The following PCDH9 variants were observed in gnomAD, a reference collection of about 807,000 sequenced individuals.
PCDH9 encodes protocadherin-9.
In PCDH9, 24 loss-of-function variants were observed where a neutral mutation model predicts 70.6. That is an observed-to-expected ratio of 0.34 (90% CI 0.25 to 0.48). The LOEUF is 0.48. Ranked by LOEUF, PCDH9 falls within the 20% of genes least tolerant of loss-of-function variation. The pLI is 0.99. For synonymous variants in PCDH9, 562 were observed against 558.5 expected (o/e 1.01, Z -0.09); for missense variants, 1,281 against 1,503.6 (o/e 0.85, Z 2.45).
chr13:66,551,968 G>T (rs1371674752), intron 4 of PCDH9, among the ~76,000 whole-genome samples: 5 of 152,026 alleles, frequency 3.3e-5, no homozygotes, highest in African/African-American at 1.2e-4. Flanking sequence ...AATATTAAAA[G>T]CAAAATGAAC....
chr13:67,150,554 C>G (rs1318543865), intron 2 of PCDH9, among the ~76,000 whole-genome samples: 1 of 152,130 alleles, frequency 6.6e-6, no homozygotes, highest in Admixed American at 6.6e-5. Context: ...AGGGTGTTCC[C>G]TCATTCAATC....
At position 67,171,967 on chromosome 13, in the gene PCDH9, A is replaced by G. The variant is rs142673995; in HGVS notation, c.3036+53438T>C. Among the ~76,000 whole-genome samples, 751 of 152,328 alleles carry G rather than the reference A, an allele frequency of 4.9e-3. 5 individuals carry two copies. The highest frequency in any genetic ancestry group is 7.7e-3 in the Non-Finnish European group (521 of 68,024). The stretch of plus-strand genomic sequence containing the variant: ...TCAAAGATGTGAAAGTATTCAAAAC[A>G]CTAAGAGAGCACAATATAATAGAGC... On this transcript the variant is annotated intron_variant, in intron 2 of 4. Transcript: ENST00000377865.
intron 3 of PCDH9, among the ~76,000 whole-genome samples, chr13:66,647,672 G>A (rs1481336934): frequency 1.3e-5 from 2 of 152,118 alleles, no homozygotes; most frequent in African/African-American, 2.4e-5. Context: ...GAGAAGGTGG[G>A]AGAGAAGAGT....
chr13:66,672,892 T>C (rs1040718435), intron 3 of PCDH9, among the ~76,000 whole-genome samples: 2 of 152,208 alleles, frequency 1.3e-5, no homozygotes, highest in African/African-American at 4.8e-5. Context: ...ATTCCCATTG[T>C]ATCTAGGAAG....
chr13:66,502,452 A>T (rs997477257), intron 4 of PCDH9, among the ~76,000 whole-genome samples: 3 of 152,142 alleles, frequency 2.0e-5, no homozygotes, highest in African/African-American at 7.2e-5. Context: ...ATTTTATTAG[A>T]TTTAAAGAAA....
At chr13:66,636,142 A>G (rs1463142378) in intron 3 of PCDH9, among the ~76,000 whole-genome samples, 1 of 152,106 alleles carries the variant, frequency 6.6e-6, no homozygotes, top group Non-Finnish European at 1.5e-5. Flanking sequence ...TTAAAGTAGT[A>G]TTGTTTGGTC....
At chr13:66,991,299 T>C (rs1033084347) in intron 2 of PCDH9, among the ~76,000 whole-genome samples, 2 of 152,022 alleles carry the variant, frequency 1.3e-5, no homozygotes, top group East Asian at 1.9e-4. Context: ...TTTTTTTCCA[T>C]TGCAGTGGAC....
chr13:66,676,399 CTTATT>C (rs66562252), intron 3 of PCDH9, among the ~76,000 whole-genome samples: 34,478 of 151,838 alleles, frequency 0.23, 4,218 homozygotes, highest in Middle Eastern at 0.36. Context: ...TTATACATTA[CTTATT>C]TTAAGTCAGT....
intron 3 of PCDH9, among the ~76,000 whole-genome samples, chr13:66,865,174 A>T (rs1040509369): frequency 6.6e-6 from 1 of 152,230 alleles, no homozygotes; most frequent in Non-Finnish European, 1.5e-5. Flanking sequence ...CAAAAATTTT[A>T]AAATGAATTT....
chr13:66,671,964 G>A (rs1009365694), intron 3 of PCDH9, among the ~76,000 whole-genome samples: 5 of 152,116 alleles, frequency 3.3e-5, no homozygotes, highest in Non-Finnish European at 5.9e-5. Flanking sequence ...CCAAAACAAT[G>A]GGAAAAATAT....
chr13:66,999,780 G>C (rs919742815), intron 2 of PCDH9, among the ~76,000 whole-genome samples: 1 of 152,094 alleles, frequency 6.6e-6, no homozygotes, highest in African/African-American at 2.4e-5. Flanking sequence ...AAACCACAAT[G>C]AGATACCATC....
At chr13:66,969,937 A>G (rs1372456981) in intron 2 of PCDH9, among the ~76,000 whole-genome samples, 1 of 152,078 alleles carries the variant, frequency 6.6e-6, no homozygotes, top group East Asian at 1.9e-4. Flanking sequence ...TCATATTAAT[A>G]ACAACTATAT....
chr13:67,162,259 A>C (rs1259750654), intron 2 of PCDH9, among the ~76,000 whole-genome samples: 11 of 152,212 alleles, frequency 7.2e-5, no homozygotes, highest in African/African-American at 2.4e-4. Context: ...ATATGTCAAT[A>C]TCCTTCTTGA....
chr13:66,561,095 CG>C (rs1379997717), intron 4 of PCDH9, among the ~76,000 whole-genome samples: 1 of 152,202 alleles, frequency 6.6e-6, no homozygotes, highest in African/African-American at 2.4e-5. Context: ...CCGGGCTGCG[CG>C]TGGTGCTTGT....
intron 3 of PCDH9, among the ~76,000 whole-genome samples, chr13:66,786,377 T>C (rs1162477460): frequency 6.6e-6 from 1 of 152,182 alleles, no homozygotes; most frequent in Admixed American, 6.5e-5. Context: ...AGGAGAAGGC[T>C]TATGCTGTAT....
At chr13:67,170,607 T>C (rs551647517) in intron 2 of PCDH9, among the ~76,000 whole-genome samples, 1 of 152,266 alleles carries the variant, frequency 6.6e-6, no homozygotes, top group South Asian at 2.1e-4. Context: ...GAATTGCATA[T>C]TTTACTATAT....
At chr13:67,165,420 TAG>T (rs1011008344) in intron 2 of PCDH9, among the ~76,000 whole-genome samples, 22 of 152,164 alleles carry the variant, frequency 1.4e-4, no homozygotes, top group Non-Finnish European at 2.6e-4. Context: ...ACAATAATAA[TAG>T]TGAATATTTT....
At chr13:66,533,790 T>C (rs1344746828) in intron 4 of PCDH9, among the ~76,000 whole-genome samples, 2 of 152,172 alleles carry the variant, frequency 1.3e-5, no homozygotes, top group Admixed American at 6.6e-5. Context: ...GGACAATTTT[T>C]ATTTTCACTT....
intron 3 of PCDH9, among the ~76,000 whole-genome samples, chr13:66,704,565 TGAA>T (rs1354559930): frequency 5.9e-5 from 9 of 152,180 alleles, no homozygotes; most frequent in African/African-American, 1.7e-4. Context: ...TAAAAGGTGG[TGAA>T]GAAGAGAGGA....
Sources: allele counts gnomAD v4.1 joint callset (sites outside exome capture counted in the v4.1 genomes callset), GRCh38; gene constraint gnomAD v4.1.1; transcripts MANE v1.5; gene names NCBI Gene and HGNC (gene_info 2026-07-23, HGNC 2026-07-21).